The following ATF7 variants were observed in gnomAD, a reference collection of about 807,000 sequenced individuals.
ATF7 encodes cyclic AMP-dependent transcription factor ATF-7.
ATF7 carries 10 observed loss-of-function variants against 50.4 expected under a neutral mutation model. The ratio of observed to expected loss-of-function variants is 0.20; its 90% CI spans 0.12 to 0.34. The LOEUF (loss-of-function observed/expected upper bound fraction) is 0.34. Among genes scored for constraint, ATF7 ranks in the 10% least tolerant of loss-of-function variants. The pLI is 1.00. For missense variants in ATF7, 465 were observed against 613.9 expected, an observed-to-expected ratio of 0.76 and a Z score of 2.56; for synonymous variants, 201 against 226.4, an observed-to-expected ratio of 0.89 and a Z score of 1.01.
At chr12:53,622,126 C>T (rs1944405270) in intron 1 of ATF7, among the ~76,000 whole-genome samples, 2 of 151,836 alleles carry the variant, frequency 1.3e-5, no homozygotes, top group Admixed American at 1.3e-4. Context: ...AATGGTGAAA[C>T]CCCGTCTCTA....
chr12:53,517,792 T>C (rs1419063054), intron 11 of ATF7, among the ~76,000 whole-genome samples: 1 of 151,930 alleles, frequency 6.6e-6, no homozygotes, highest in Non-Finnish European at 1.5e-5. Flanking sequence ...TTAAAGATGA[T>C]TTAAAATAGA....
At chr12:53,603,012 A>T (rs1943464073) in intron 1 of ATF7, among the ~76,000 whole-genome samples, 1 of 152,308 alleles carries the variant, frequency 6.6e-6, no homozygotes, top group African/African-American at 2.4e-5. Flanking sequence ...TTCCTAATAT[A>T]ATCACAAAAT....
rs143460454 is a variant in ATF7, at chr12:53,514,130, A to G, written c.*3007T>C. On this transcript the variant is annotated 3_prime_UTR_variant, in exon 12 of 12. Transcript: ENST00000420353. ...GGCTTTCTTAGACTTTTCAACTCTA[A>G]GCAAACTTTCTGTTAGGGGAATGGG... 8 of 152,222 alleles carry G rather than the reference A, an allele frequency of 5.3e-5. No homozygotes were observed. In the East Asian group the frequency reaches 1.5e-3, roughly 29 times the overall value. 9.4% of individuals were successfully genotyped at this position (152,222 alleles called of 1,614,324 possible). A position where few individuals can be genotyped will look rare whatever the true frequency, so the allele number is the denominator to read the frequency against.
At chr12:53,527,807 CT>C (rs371734587) in intron 9 of ATF7, among the ~76,000 whole-genome samples, 140 of 151,970 alleles carry the variant, frequency 9.2e-4, no homozygotes, top group African/African-American at 3.3e-3. Context: ...ACTCTAGGCC[CT>C]ACTGAATTAT....
intron 5 of ATF7, among the ~76,000 whole-genome samples, chr12:53,536,522 C>T (rs1226014424): frequency 1.3e-5 from 2 of 151,944 alleles, no homozygotes; most frequent in Non-Finnish European, 2.9e-5. Context: ...AGTGATTCCA[C>T]CACCTCGGCC....
At chr12:53,552,427 C>A in intron 3 of ATF7, 114 bp downstream of exon 3, 1 of 779,004 alleles carries the variant, frequency 1.3e-6, no homozygotes. Flanking sequence ...ATGCAGATCA[C>A]ATAAGGGCTC....
At chr12:53,607,435 T>C (rs1307621442) in intron 1 of ATF7, among the ~76,000 whole-genome samples, 1 of 152,190 alleles carries the variant, frequency 6.6e-6, no homozygotes, top group East Asian at 1.9e-4. Context: ...CATTCTTCTT[T>C]CAGTCTCTCT....
At chr12:53,511,234 G>GT (rs1194516201), downstream of ATF7, among the ~76,000 whole-genome samples, 4 of 152,170 alleles carry the variant, frequency 2.6e-5, no homozygotes, top group Non-Finnish European at 5.9e-5. Flanking sequence ...AGCATTACCT[G>GT]TTTTTCTTGT....
chr12:53,567,869 T>C (rs1941529977), intron 2 of ATF7, among the ~76,000 whole-genome samples: 1 of 152,262 alleles, frequency 6.6e-6, no homozygotes, highest in Non-Finnish European at 1.5e-5. Context: ...TATTAAGTTC[T>C]TGTTGACATT....
chr12:53,592,464 G>C (rs988626022), intron 2 of ATF7, among the ~76,000 whole-genome samples: 1 of 152,122 alleles, frequency 6.6e-6, no homozygotes, highest in South Asian at 2.1e-4. Context: ...CAATTTGTAT[G>C]TCAATTCTTC....
At chr12:53,625,908 T>G (rs1022936941) in intron 1 of ATF7, 9 of 152,276 alleles carry the variant, frequency 5.9e-5, no homozygotes, top group Admixed American at 2.0e-4. Flanking sequence ...AGGATTCAAT[T>G]CCCCTCTCCT....
rs75999957 is a variant in ATF7 at position 53,610,327 on chromosome 12, C to T, written c.-21-9306G>A. Reference sequence around the variant, plus strand: ...CACCTGTAATCCCAGCACTTTGGGACGACGAGGCAGGTGGATCCCTTCAGG... The same window carrying T: ...CACCTGTAATCCCAGCACTTTGGGATGACGAGGCAGGTGGATCCCTTCAGG... On this transcript the variant is annotated intron_variant, in intron 1 of 11. Transcript: ENST00000420353. Among the ~76,000 whole-genome samples the T allele has an allele frequency of 4.1e-3, 628 of 151,696 alleles. 2 individuals carry two copies. The highest frequency in any genetic ancestry group is 0.014 in the African/African-American group (592 of 41,378).
intron 2 of ATF7, among the ~76,000 whole-genome samples, chr12:53,579,381 A>G (rs943532911): frequency 2.0e-5 from 3 of 151,964 alleles, no homozygotes; most frequent in Admixed American, 1.3e-4. Flanking sequence ...GTGAAATGCC[A>G]TCTCTACTAA....
intron 5 of ATF7, among the ~76,000 whole-genome samples, chr12:53,537,130 A>G (rs1479210253): frequency 1.3e-5 from 2 of 150,594 alleles, no homozygotes; most frequent in Non-Finnish European, 3.0e-5. Context: ...GGTGCAGTGG[A>G]GCAATCACAG....
chr12:53,561,859 C>G (rs1349790395), intron 2 of ATF7, among the ~76,000 whole-genome samples: 1 of 152,142 alleles, frequency 6.6e-6, no homozygotes, highest in African/African-American at 2.4e-5. Context: ...GCAACAGTAG[C>G]TCATATGCTG....
chr12:53,559,340 C>T (rs905807306), intron 2 of ATF7, among the ~76,000 whole-genome samples: 2 of 151,552 alleles, frequency 1.3e-5, no homozygotes, highest in African/African-American at 4.8e-5. Flanking sequence ...GCTGGGATTA[C>T]AGGCATGAGC....
intron 4 of ATF7, 138 bp downstream of exon 4, chr12:53,543,192 C>T (rs527394372): frequency 1.1e-4 from 163 of 1,543,042 alleles, no homozygotes; most frequent in South Asian, 9.7e-4. Context: ...TTAGTGACTA[C>T]TATCTGGTTT....
chr12:53,573,744 G>A (rs1253592645), intron 2 of ATF7, among the ~76,000 whole-genome samples: 1 of 152,136 alleles, frequency 6.6e-6, no homozygotes, highest in Non-Finnish European at 1.5e-5. Context: ...CCTGCCCTCA[G>A]GAGAAAATAC....
intron 2 of ATF7, among the ~76,000 whole-genome samples, chr12:53,579,203 C>A (rs777179521): frequency 6.6e-6 from 1 of 151,926 alleles, no homozygotes; most frequent in Non-Finnish European, 1.5e-5. Flanking sequence ...GAGATGGTGC[C>A]GCTGCACTCC....
Sources: allele counts gnomAD v4.1 joint callset (sites outside exome capture counted in the v4.1 genomes callset), GRCh38; gene constraint gnomAD v4.1.1; transcripts MANE v1.5; gene names NCBI Gene and HGNC (gene_info 2026-07-23, HGNC 2026-07-21).